Variants in NUB1 observed in about 807,000 individuals in gnomAD.
NUB1 encodes the protein NEDD8 ultimate buster 1.
Under a neutral mutation model 77.1 loss-of-function variants are expected in NUB1, and 41 were observed. The ratio of observed to expected loss-of-function variants is 0.53; its 90% CI spans 0.41 to 0.69. The LOEUF (loss-of-function observed/expected upper bound fraction) is 0.69, where lower values mean the gene tolerates loss of function less well. Among genes scored for constraint, NUB1 ranks in the 30% least tolerant of loss-of-function variants. NUB1 has a pLI of 0.00. For missense variants in NUB1, 643 were observed against 743.8 expected, an observed-to-expected ratio of 0.86 and a Z score of 1.58; for synonymous variants, 257 against 281.0, an observed-to-expected ratio of 0.91 and a Z score of 0.85.
In NUB1 at chr7:151,378,152, C is replaced by A. The variant is rs979460241; in HGVS notation, c.*927C>A. ...CGCTGTGTGTCGGCTCCAGCAGTAA[C>A]CGTCCTCACTGCGCCACGCACTCCT... is the stretch of plus-strand genomic sequence containing the variant. On this transcript the variant is annotated 3_prime_UTR_variant, in exon 15 of 15. Coordinates refer to ENST00000568733, the MANE Select transcript of NUB1 (RefSeq NM_001243351.2). 1 of 152,146 alleles carries A rather than the reference C, an allele frequency of 6.6e-6. No homozygotes were observed. Among genetic ancestry groups the A allele is most frequent in the Non-Finnish European group, 1.5e-5 (1 of 68,040 alleles). The allele number at this position is 152,146 out of a possible 1,614,324, so 9.4% of individuals were successfully genotyped here. A position where few individuals can be genotyped will look rare whatever the true frequency, so the allele number is the denominator to read the frequency against.
intron 7 of NUB1, among the ~76,000 whole-genome samples, chr7:151,358,773 A>T (rs1797206563): frequency 6.6e-6 from 1 of 152,152 alleles, no homozygotes; most frequent in Non-Finnish European, 1.5e-5. Context: ...CCTTTTAAAA[A>T]TTGTTTTGGG....
At position 151,355,890 on chromosome 7, in the gene NUB1, A is replaced by C; in HGVS notation, c.538A>C (p.Lys180Gln). 6.2e-7 allele frequency: 1 copy of C among 1,613,908 alleles called. No homozygotes were observed. The highest frequency in any genetic ancestry group is 8.5e-7 in the Non-Finnish European group (1 of 1,179,848). Reference protein sequence around the residue: ...QLEEEEQNEAKLKEKQIQRTK... With the variant: ...QLEEEEQNEAQLKEKQIQRTK... ...AGAGGAAGAGGAGCAAAATGAGGCC[A>C]AACTCAAAGAAAAACAAATTCAGAG... The change falls in exon 6 of 15, where the codon AAA (lysine) becomes CAA (glutamine). Residue 180 changes from lysine to glutamine, a missense_variant. Lys to Gln is a moderately conservative substitution (Grantham distance 53). Transcript: ENST00000568733.
At chr7:151,376,028 C>T (rs538363705) in intron 13 of NUB1, 85 bp downstream of exon 13, 4 of 849,560 alleles carry the variant, frequency 4.7e-6, no homozygotes, top group East Asian at 5.0e-5. Flanking sequence ...GGCAGCAGGA[C>T]TGGGGGAGTC....
intron 5 of NUB1, among the ~76,000 whole-genome samples, chr7:151,354,498 T>G (rs1796967182): frequency 6.6e-6 from 1 of 152,236 alleles, no homozygotes; most frequent in East Asian, 1.9e-4. Context: ...AAAATCTGTT[T>G]GCATCTATGT....
chr7:151,370,026 A>G (rs988253867), intron 11 of NUB1, among the ~76,000 whole-genome samples: 7 of 151,978 alleles, frequency 4.6e-5, no homozygotes, highest in Non-Finnish European at 8.8e-5. Context: ...GCCTAGTCCA[A>G]TCGTGGTCCT....
At chr7:151,347,708 C>T (rs1012185387) in intron 2 of NUB1, among the ~76,000 whole-genome samples, 1 of 152,218 alleles carries the variant, frequency 6.6e-6, no homozygotes, top group Non-Finnish European at 1.5e-5. Context: ...AATCCTCTCA[C>T]CTTGCCTTCC....
intron 10 of NUB1, among the ~76,000 whole-genome samples, chr7:151,368,403 G>A (rs978796007): frequency 6.6e-6 from 1 of 152,180 alleles, no homozygotes; most frequent in Non-Finnish European, 1.5e-5. Context: ...TCACTACCTG[G>A]CTACACCCAG....
intron 3 of NUB1, 79 bp from the exon 4 acceptor site, chr7:151,351,345 A>G: frequency 9.4e-7 from 1 of 1,058,908 alleles, no homozygotes; most frequent in Non-Finnish European, 1.4e-6. Flanking sequence ...CTCTGCCGTC[A>G]GCTTTTCTGA....
chr7:151,374,318 C>T, intron 12 of NUB1, 75 bp downstream of exon 12: 1 of 1,504,316 alleles, frequency 6.6e-7, no homozygotes, highest in South Asian at 1.2e-5. Flanking sequence ...CATGGCTCTC[C>T]AGCATCCTCC....
chr7:151,370,426 C>A (rs1797902256), intron 11 of NUB1, among the ~76,000 whole-genome samples: 2 of 152,122 alleles, frequency 1.3e-5, no homozygotes, highest in Non-Finnish European at 2.9e-5. Context: ...TTTACATGGT[C>A]TAATTCAGTA....
chr7:151,372,752 G>T (rs1798020657), intron 11 of NUB1, among the ~76,000 whole-genome samples: 1 of 152,154 alleles, frequency 6.6e-6, no homozygotes, highest in African/African-American at 2.4e-5. Context: ...TTTCAGGTAG[G>T]TGACTGGAAT....
intron 12 of NUB1, chr7:151,374,603 G>T: frequency 3.2e-6 from 1 of 307,736 alleles, no homozygotes; most frequent in Non-Finnish European, 6.1e-6. Context: ...ATAATTGTTT[G>T]GCATTAAAAT....
chr7:151,349,213 G>C lies in NUB1; in HGVS notation c.258G>C (p.Glu86Asp), dbSNP rs760890940. The stretch of plus-strand genomic sequence containing the variant: ...GAACAACGGGAATTGCTACAATCGA[G>C]GTGTTTTTACCACCAAGACTAAAAA... ...NYRTTGIATI[E>D]VFLPPRLKKD... The change falls in exon 3 of 15, where the codon GAG becomes GAC. Residue 86 changes from glutamate (E) to aspartate (D), a missense_variant. Physicochemically the swap from Glu to Asp is conservative, Grantham distance 45. Coordinates refer to ENST00000568733, the MANE Select transcript of NUB1 (RefSeq NM_001243351.2). The C allele has an allele frequency of 6.8e-6, 11 of 1,611,610 alleles. No homozygotes were observed. Among genetic ancestry groups the C allele is most frequent in the Non-Finnish European group, 9.3e-6 (11 of 1,179,152 alleles).
Position 151,347,418 on chromosome 7 carries a change from G to GAA in NUB1, c.118-1647_118-1646dup, listed in dbSNP as rs58078152. 6.2e-3 allele frequency among the ~76,000 whole-genome samples: 932 copies of GAA among 149,726 alleles called. 11 individuals are homozygous for GAA. Among genetic ancestry groups the GAA allele is most frequent in the African/African-American group, 0.021 (869 of 40,720 alleles). On this transcript the variant is annotated intron_variant, in intron 2 of 14. Coordinates refer to ENST00000568733, the MANE Select transcript of NUB1 (RefSeq NM_001243351.2). ...ACGTAGTGAGACCCCGTCTCTAAAA[G>GAA]AAAAAAAAAGTATATATAGGTTTAT...
intron 8 of NUB1, among the ~76,000 whole-genome samples, chr7:151,363,756 AAGTT>A (rs57035345): frequency 0.14 from 21,587 of 151,810 alleles, 2,282 homozygotes; most frequent in African/African-American, 0.31. Flanking sequence ...TTCTTGAAAA[AAGTT>A]AGGTAAGTTT....
Position 151,366,331 on chromosome 7 carries a change from T to C in NUB1, c.801-608T>C, listed in dbSNP as rs1037152441. 1.1e-4 allele frequency among the ~76,000 whole-genome samples: 17 copies of C among 152,314 alleles called. 1 individual carries two copies. The highest frequency in any genetic ancestry group is 6.2e-4 in the South Asian group (3 of 4,826). On this transcript the variant is annotated intron_variant, in intron 8 of 14. Coordinates refer to ENST00000568733, the MANE Select transcript of NUB1 (RefSeq NM_001243351.2). ...CAGCTTGAATATGATTGAACATGAATGCCTTGTCAGAGCCGTCATCAGCTG... is the reference window on the plus strand; with the variant it reads ...CAGCTTGAATATGATTGAACATGAACGCCTTGTCAGAGCCGTCATCAGCTG...
chr7:151,350,504 A>G (rs1352906511), intron 3 of NUB1, among the ~76,000 whole-genome samples: 2 of 152,250 alleles, frequency 1.3e-5, no homozygotes, highest in African/African-American at 4.8e-5. Context: ...GAGGGCTCAC[A>G]CTTGTCTTCT....
chr7:151,358,579 C>T (rs983048054), intron 7 of NUB1, among the ~76,000 whole-genome samples: 3 of 152,162 alleles, frequency 2.0e-5, no homozygotes, highest in African/African-American at 7.2e-5. Context: ...GAATCTAATG[C>T]CTGATGACCT....
chr7:151,343,908 GC>G (rs758253660), intron 1 of NUB1, among the ~76,000 whole-genome samples: 38 of 152,152 alleles, frequency 2.5e-4, no homozygotes, highest in Non-Finnish European at 3.8e-4. Flanking sequence ...AGGGCCAGGC[GC>G]GGTGGCTCAG....
Sources: allele counts gnomAD v4.1 joint callset (sites outside exome capture counted in the v4.1 genomes callset), GRCh38; gene constraint gnomAD v4.1.1; transcripts MANE v1.5; gene names NCBI Gene and HGNC (gene_info 2026-07-23, HGNC 2026-07-21).